The following CALD1 variants were observed in gnomAD, a reference collection of about 807,000 sequenced individuals.
CALD1 encodes the protein caldesmon.
In CALD1, 33 loss-of-function variants were observed where a neutral mutation model predicts 99.9. That is an observed-to-expected ratio of 0.33 (90% CI 0.25 to 0.44). The LOEUF (loss-of-function observed/expected upper bound fraction) is 0.44. CALD1 is among the 20% of genes least tolerant of loss of function. The pLI, the probability that CALD1 is intolerant of heterozygous loss-of-function variation, is 1.00. For synonymous variants in CALD1, 310 were observed against 325.0 expected (o/e 0.95, Z 0.50); for missense variants, 861 against 962.1 (o/e 0.89, Z 1.39).
chr7:134,914,765 AAGAGCC>A (rs371769699), intron 3 of CALD1, among the ~76,000 whole-genome samples: 11 of 152,144 alleles, frequency 7.2e-5, no homozygotes, highest in African/African-American at 2.7e-4. Context: ...GCCATCCCAA[AAGAGCC>A]AGCTTGAATA....
chr7:134,860,800 G>A (rs537612794), intron 2 of CALD1, among the ~76,000 whole-genome samples: 23 of 152,274 alleles, frequency 1.5e-4, no homozygotes, highest in African/African-American at 4.3e-4. Context: ...GGGAATTGTC[G>A]CTTTTAAGCT....
At chr7:134,848,094 G>C (rs899028521) in intron 2 of CALD1, among the ~76,000 whole-genome samples, 6 of 149,220 alleles carry the variant, frequency 4.0e-5, no homozygotes, top group Admixed American at 6.7e-5. Flanking sequence ...CAAACAGTCT[G>C]GGGAAAAAAA....
At chr7:134,718,717 C>T in the CALD1 span, among the ~76,000 whole-genome samples, 1 of 152,116 alleles carries the variant, frequency 6.6e-6, no homozygotes, top group Non-Finnish European at 1.5e-5. Context: ...TTGGCTACTG[C>T]TGTTGTTGTG....
intron 3 of CALD1, among the ~76,000 whole-genome samples, chr7:134,875,674 C>T (rs185959658): frequency 2.6e-4 from 40 of 152,320 alleles, no homozygotes; most frequent in Admixed American, 2.5e-3. Context: ...ATTTTCGTCA[C>T]CGTGGGACAG....
At chr7:134,828,073 T>C (rs529786105) in intron 1 of CALD1, among the ~76,000 whole-genome samples, 1 of 152,324 alleles carries the variant, frequency 6.6e-6, no homozygotes, top group South Asian at 2.1e-4. Flanking sequence ...AATCACACTA[T>C]GTCTAAACAG....
chr7:134,968,557 C>G lies in CALD1; in HGVS notation c.*212C>G, dbSNP rs765258814. On this transcript the variant is annotated 3_prime_UTR_variant, in exon 15 of 15. Coordinates refer to ENST00000361675, the MANE Select transcript of CALD1 (RefSeq NM_033138.4). ...TAAAAGTACTGCCTTTGCACAGGAG[C>G]CTGTTTCTAAAGAAACCCATGCTGT... The G allele has an allele frequency of 2.0e-5, 14 of 702,848 alleles. No homozygotes were observed. The highest frequency in any genetic ancestry group is 3.1e-5 in the Non-Finnish European group (12 of 382,742). 43.5% of individuals were successfully genotyped at this position (702,848 alleles called of 1,614,324 possible). A position where few individuals can be genotyped will look rare whatever the true frequency, so the allele number is the denominator to read the frequency against.
In CALD1 at chr7:134,968,325, C is replaced by A. The variant is rs775270630; in HGVS notation, c.2377-15C>A. ...CACTACAGGCTGTCAATTTCAAGTT[C>A]TCTTCTCTTGGCAGGTTTGAGACAG... On this transcript the variant is annotated splice_polypyrimidine_tract_variant and intron_variant, in intron 14 of 14. Coordinates refer to ENST00000361675, the MANE Select transcript of CALD1 (RefSeq NM_033138.4). 2 of 1,613,608 alleles carry A rather than the reference C, an allele frequency of 1.2e-6. No individual in the cohort carries two copies. The highest frequency in any genetic ancestry group is 1.7e-6 in the Non-Finnish European group (2 of 1,179,584).
At chr7:134,937,899 C>T (rs1190140590) in intron 6 of CALD1, among the ~76,000 whole-genome samples, 2 of 152,242 alleles carry the variant, frequency 1.3e-5, no homozygotes, top group Non-Finnish European at 2.9e-5. Context: ...CCTCTCCAAT[C>T]ATAAAAAGTC....
chr7:134,968,887 G>T lies in CALD1; in HGVS notation c.*542G>T. On this transcript the variant is annotated 3_prime_UTR_variant, in exon 15 of 15. Transcript: ENST00000361675. ...AAAAAAAAAAGAAATGTACTGTTAA[G>T]GTATTACTTTTTTTCATGCTGATGA... 1 of 175,000 alleles carries T rather than the reference G, an allele frequency of 5.7e-6. No individual in the cohort carries two copies. Among genetic ancestry groups the T allele is most frequent in the Non-Finnish European group, 1.3e-5 (1 of 79,778 alleles). 10.8% of individuals were successfully genotyped at this position (175,000 alleles called of 1,614,324 possible).
At chr7:134,863,796 T>C (rs1284235139) in intron 2 of CALD1, among the ~76,000 whole-genome samples, 1 of 152,064 alleles carries the variant, frequency 6.6e-6, no homozygotes, top group Non-Finnish European at 1.5e-5. Context: ...TTTTAATAAA[T>C]ATAAATATAC....
chr7:134,921,232 A>G (rs543578192), intron 3 of CALD1, among the ~76,000 whole-genome samples: 7 of 152,336 alleles, frequency 4.6e-5, no homozygotes, highest in African/African-American at 1.4e-4. Context: ...GCTTATATGC[A>G]CTGGTTTATA....
At chr7:134,935,628 T>C (rs967084055) in intron 5 of CALD1, 60 bp from the exon 6 acceptor site, 52 of 1,550,038 alleles carry the variant, frequency 3.4e-5, no homozygotes, top group Middle Eastern at 1.7e-4. Flanking sequence ...CCTGTCACTC[T>C]TGTAAACTAG....
chr7:134,726,415 A>G, the CALD1 span, among the ~76,000 whole-genome samples: 1 of 37,182 alleles, frequency 2.7e-5, no homozygotes, highest in Non-Finnish European at 4.5e-5. Flanking sequence ...ATATAGCTTT[A>G]TATATATAAT....
intron 1 of CALD1, among the ~76,000 whole-genome samples, chr7:134,806,849 T>G (rs1051574838): frequency 1.3e-5 from 2 of 152,216 alleles, no homozygotes; most frequent in Non-Finnish European, 1.5e-5. Flanking sequence ...GAGAATTTTT[T>G]TCTGGTAGTT....
chr7:134,906,244 C>T (rs1464550298), intron 3 of CALD1, among the ~76,000 whole-genome samples: 1 of 152,080 alleles, frequency 6.6e-6, no homozygotes, highest in Non-Finnish European at 1.5e-5. Flanking sequence ...TTCTCTATAT[C>T]TTAAGTTCTA....
intron 1 of CALD1, among the ~76,000 whole-genome samples, chr7:134,839,947 T>A (rs767236112): frequency 1.3e-5 from 2 of 152,216 alleles, no homozygotes; most frequent in Non-Finnish European, 2.9e-5. Context: ...ATCATCCATC[T>A]TTTTCTTTTT....
chr7:134,865,119 G>T (rs1800746043), intron 2 of CALD1, among the ~76,000 whole-genome samples: 1 of 152,000 alleles, frequency 6.6e-6, no homozygotes, highest in Admixed American at 6.5e-5. Context: ...ACTGAGTAGG[G>T]GTAGGGCAGG....
intron 1 of CALD1, among the ~76,000 whole-genome samples, chr7:134,803,424 CTT>C (rs1183292482): frequency 6.6e-6 from 1 of 151,566 alleles, no homozygotes; most frequent in Non-Finnish European, 1.5e-5. Flanking sequence ...ATGGCTAGTT[CTT>C]TTTCTTTTCT....
intron 7 of CALD1, among the ~76,000 whole-genome samples, chr7:134,944,201 G>A (rs1806676041): frequency 6.6e-6 from 1 of 152,184 alleles, no homozygotes; most frequent in Admixed American, 6.5e-5. Context: ...AACCTTGTTT[G>A]AGTTCAAAAT....
Sources: allele counts gnomAD v4.1 joint callset (sites outside exome capture counted in the v4.1 genomes callset), GRCh38; gene constraint gnomAD v4.1.1; transcripts MANE v1.5; gene names NCBI Gene and HGNC (gene_info 2026-07-23, HGNC 2026-07-21).